DHX36: variants seen among roughly 807,000 people sequenced by gnomAD.
DHX36 encodes the protein DEAH-box helicase 36, also known as ATP-dependent DNA/RNA helicase DHX36.
In DHX36, 50 loss-of-function variants were observed where a neutral mutation model predicts 139.0. The observed-to-expected ratio is 0.36, with a 90% CI of 0.29 to 0.46. DHX36 has a LOEUF of 0.46. Ranked by LOEUF, DHX36 falls within the 20% of genes least tolerant of loss-of-function variation. DHX36 has a pLI of 1.00. For missense variants in DHX36, 1,024 were observed against 1,211.3 expected (o/e 0.85, Z 2.29); for synonymous variants, 425 against 401.9 (o/e 1.06, Z -0.69).
At chr3:154,279,976 T>C (rs1201035804) in intron 22 of DHX36, 1 of 152,298 alleles carries the variant, frequency 6.6e-6, no homozygotes, top group Non-Finnish European at 1.5e-5. Context: ...TAAAAACTCA[T>C]GCACTGGGTC....
In DHX36 at chr3:154,276,830, G is replaced by A; in HGVS notation, c.2758C>T (p.Gln920Ter). 1 of 1,613,820 alleles carries A rather than the reference G, an allele frequency of 6.2e-7. No individual in the cohort carries two copies. Among genetic ancestry groups the A allele is most frequent in the Non-Finnish European group, 8.5e-7 (1 of 1,179,896 alleles). Residue 920 changes from glutamine to a stop codon, truncating the protein, a stop_gained, in exon 24 of 25, where the codon CAG becomes TAG. Coordinates refer to ENST00000496811, the MANE Select transcript of DHX36 (RefSeq NM_020865.3). LOFTEE classifies it high-confidence loss of function. ...ATAGTTTCCTGATCGTTATCCTTCT[G>A]GATGGAAATGTCACCTCCAAAAAAC... ...LLFFGGDISIQKDNDQETIAV... is the reference protein window; with the variant it reads ...LLFFGGDISI
chr3:154,277,462 G>T, intron 23 of DHX36, 136 bp downstream of exon 23: 2 of 717,506 alleles, frequency 2.8e-6, no homozygotes, highest in Non-Finnish European at 4.1e-6. Flanking sequence ...ATTTGTTAGA[G>T]GGAAAAAGTT....
chr3:154,287,302 G>C (rs1281229758), intron 17 of DHX36, among the ~76,000 whole-genome samples: 1 of 152,062 alleles, frequency 6.6e-6, no homozygotes, highest in African/African-American at 2.4e-5. Flanking sequence ...CTCAGGAAAA[G>C]ACTTATTAAA....
intron 5 of DHX36, among the ~76,000 whole-genome samples, chr3:154,308,047 T>C (rs1004187036): frequency 2.0e-5 from 3 of 152,178 alleles, no homozygotes; most frequent in African/African-American, 7.2e-5. Flanking sequence ...GAGTGTGGAA[T>C]GGCAAACGAT....
intron 8 of DHX36, among the ~76,000 whole-genome samples, chr3:154,303,872 T>C (rs1712396569): frequency 6.6e-6 from 1 of 152,294 alleles, no homozygotes; most frequent in East Asian, 1.9e-4. Context: ...TATTTCAAAA[T>C]TACTAATAAA....
At chr3:154,306,386 G>C in intron 5 of DHX36, 91 bp from the exon 6 acceptor site, 1 of 1,066,452 alleles carries the variant, frequency 9.4e-7, no homozygotes, top group Non-Finnish European at 1.4e-6. Flanking sequence ...TTGAAAAATT[G>C]TTCTTCAGAT....
chr3:154,312,923 T>C (rs1712831941), intron 3 of DHX36, among the ~76,000 whole-genome samples: 1 of 130,586 alleles, frequency 7.7e-6, no homozygotes, highest in African/African-American at 2.8e-5. Context: ...GAACTGTCTT[T>C]GGTAATCTAG....
chr3:154,318,959 C>CA (rs981803853), intron 1 of DHX36: 2 of 152,166 alleles, frequency 1.3e-5, no homozygotes, highest in African/African-American at 4.8e-5. Flanking sequence ...GAATCTTTTA[C>CA]AATGAGCATG....
chr3:154,304,297 G>A (rs1712416548), intron 8 of DHX36, among the ~76,000 whole-genome samples: 1 of 152,126 alleles, frequency 6.6e-6, no homozygotes, highest in Admixed American at 6.6e-5. Flanking sequence ...GTCCAATCTA[G>A]CTTCAGCTTG....
chr3:154,306,026 GCAATACAAGT>G (rs1240313935), intron 6 of DHX36, among the ~76,000 whole-genome samples, 180 bp downstream of exon 6: 3 of 152,094 alleles, frequency 2.0e-5, no homozygotes, highest in Non-Finnish European at 4.4e-5. Context: ...TTTAAAAAAG[GCAATACAAGT>G]CTGATGTGGG....
chr3:154,316,245 G>C (rs1712975969), intron 1 of DHX36, 82 bp from the exon 2 acceptor site: 4 of 1,549,734 alleles, frequency 2.6e-6, no homozygotes, highest in Non-Finnish European at 3.5e-6. Context: ...GAAAATAAAG[G>C]CTAAGTAATA....
At chr3:154,308,731 T>C (rs1438456156) in intron 5 of DHX36, among the ~76,000 whole-genome samples, 3 of 152,180 alleles carry the variant, frequency 2.0e-5, no homozygotes, top group African/African-American at 7.2e-5. Flanking sequence ...CAAACAGTTC[T>C]GGATTTGGGA....
At position 154,303,323 on chromosome 3, in the gene DHX36, A is replaced by C; in HGVS notation, c.1217+6T>G. ...TAATGTTTTTTATTTCCTAATGTTT[A>C]CTTACCTTATTTTTTCAATTACATC... On this transcript the variant is annotated splice_donor_region_variant and intron_variant, in intron 9 of 24. Transcript: ENST00000496811. The C allele has an allele frequency of 3.2e-6, 5 of 1,573,216 alleles. No homozygotes were observed. In the South Asian group the frequency reaches 5.8e-5, roughly 18 times the overall value.
chr3:154,318,889 A>G (rs373535107), intron 1 of DHX36, among the ~76,000 whole-genome samples: 7 of 152,222 alleles, frequency 4.6e-5, no homozygotes, highest in African/African-American at 1.4e-4. Context: ...TCTGCCAGAT[A>G]TAATTCTGGT....
intron 22 of DHX36, chr3:154,278,813 A>C (rs1296394052): frequency 1.3e-5 from 2 of 152,180 alleles, no homozygotes; most frequent in Non-Finnish European, 1.5e-5. Context: ...TAAGACTTGT[A>C]ATCAAAATCA....
intron 20 of DHX36, among the ~76,000 whole-genome samples, chr3:154,281,484 A>G (rs1179474624): frequency 6.6e-6 from 1 of 152,098 alleles, no homozygotes; most frequent in Non-Finnish European, 1.5e-5. Context: ...ACACCCATTA[A>G]GTATATATAC....
At chr3:154,303,305 T>G in intron 9 of DHX36, 24 bp downstream of exon 9, 1 of 1,519,302 alleles carries the variant, frequency 6.6e-7, no homozygotes, top group Non-Finnish European at 9.0e-7. Flanking sequence ...TTTTAATGTT[T>G]TTTATTTCCT....
At chr3:154,298,203 C>T (rs1712116772) in intron 12 of DHX36, among the ~76,000 whole-genome samples, 1 of 152,158 alleles carries the variant, frequency 6.6e-6, no homozygotes, top group Non-Finnish European at 1.5e-5. Flanking sequence ...ACCCTTTTCC[C>T]ACTCTCCATC....
rs1712256559 is a variant in DHX36, at chr3:154,301,083, C to T, written c.1262G>A (p.Gly421Asp). The T allele has an allele frequency of 6.2e-7, 1 of 1,611,988 alleles. No homozygotes were observed. Among genetic ancestry groups the T allele is most frequent in the African/African-American group, 1.3e-5 (1 of 74,772 alleles). ...QKEHRSQFKR[G>D]FMQGHVNRQE... ...TCTATTTACATGCCCTTGCATGAAA[C>T]CCCTCTTAAACTGGGATCTGTGTTC... is the stretch of plus-strand genomic sequence containing the variant. The change falls in exon 10 of 25, where the codon GGT becomes GAT. Residue 421 changes from glycine (G) to aspartate (D), a missense_variant. By Grantham distance (94) the Gly-to-Asp change is moderately conservative. Coordinates refer to ENST00000496811, the MANE Select transcript of DHX36 (RefSeq NM_020865.3).
Sources: gnomAD v4.1 joint callset for allele counts (sites outside exome capture counted in the v4.1 genomes callset) on GRCh38, gnomAD v4.1.1 for gene constraint, MANE v1.5 for transcripts, NCBI Gene and HGNC (gene_info 2026-07-23, HGNC 2026-07-21) for gene names.